PTGER3: variants seen among roughly 807,000 people sequenced by gnomAD.
The protein encoded by PTGER3 is prostaglandin E receptor 3, also known as prostaglandin E2 receptor EP3 subtype.
Under a neutral mutation model 34.7 loss-of-function variants are expected in PTGER3, and 22 were observed. That is an observed-to-expected ratio of 0.63 (90% CI 0.45 to 0.91). The LOEUF is 0.91. Among genes scored for constraint, PTGER3 ranks in the 40% least tolerant of loss-of-function variants. The pLI, the probability that PTGER3 is intolerant of heterozygous loss-of-function variation, is 0.00. For missense variants in PTGER3, 468 were observed against 519.4 expected (o/e 0.90, Z 0.96); for synonymous variants, 241 against 230.1 (o/e 1.05, Z -0.43).
At chr1:70,859,752 A>G (rs1296896022) in intron 4 of PTGER3, among the ~76,000 whole-genome samples, 1 of 152,238 alleles carries the variant, frequency 6.6e-6, no homozygotes, top group Non-Finnish European at 1.5e-5. Flanking sequence ...TTTAAAAAGT[A>G]CTACTATTAT....
chr1:70,891,089 G>C (rs769411819), intron 4 of PTGER3, among the ~76,000 whole-genome samples: 3 of 152,138 alleles, frequency 2.0e-5, no homozygotes, highest in Non-Finnish European at 4.4e-5. Flanking sequence ...CTACCTGGCT[G>C]TATTAAGTGG....
chr1:70,979,587 C>T lies in PTGER3; in HGVS notation c.1078-5199G>A, dbSNP rs192228244. 4.6e-3 allele frequency among the ~76,000 whole-genome samples: 704 copies of T among 152,172 alleles called. 6 individuals are homozygous for T. Among genetic ancestry groups the T allele is most frequent in the Admixed American group, 4.6e-3 (70 of 15,274 alleles). On this transcript the variant is annotated intron_variant, in intron 2 of 3. Transcript: ENST00000306666. ...TCCGGGGCCTGCTATATCACACTAACAACAAAAATAAACGGTTTCCCCTTC... is the reference window on the plus strand; with the variant it reads ...TCCGGGGCCTGCTATATCACACTAATAACAAAAATAAACGGTTTCCCCTTC...
At chr1:70,866,847 G>A (rs542258982) in intron 4 of PTGER3, among the ~76,000 whole-genome samples, 3 of 152,188 alleles carry the variant, frequency 2.0e-5, no homozygotes, top group African/African-American at 7.2e-5. Context: ...CGGGATAGGG[G>A]GTGCATGCTC....
chr1:71,009,033 A>G (rs1478534019), intron 2 of PTGER3: 1 of 984,832 alleles, frequency 1.0e-6, no homozygotes, highest in African/African-American at 1.8e-5. Context: ...CTCAACCAAA[A>G]GAACTATTAG....
At chr1:71,019,718 C>A (rs1454736681) in intron 1 of PTGER3, among the ~76,000 whole-genome samples, 2 of 152,144 alleles carry the variant, frequency 1.3e-5, no homozygotes, top group East Asian at 3.9e-4. Context: ...ACTTAAAAAT[C>A]TTTAGTACTT....
At chr1:70,875,248 G>A (rs1646249269) in intron 4 of PTGER3, among the ~76,000 whole-genome samples, 1 of 152,166 alleles carries the variant, frequency 6.6e-6, no homozygotes, top group African/African-American at 2.4e-5. Flanking sequence ...GTTAAGATCT[G>A]AAGGGTGTGA....
At chr1:70,974,988 T>C (rs1192378850) in intron 2 of PTGER3, among the ~76,000 whole-genome samples, 4 of 152,184 alleles carry the variant, frequency 2.6e-5, no homozygotes, top group Non-Finnish European at 4.4e-5. Flanking sequence ...ACTCATCTGA[T>C]AGATCTCAAC....
rs1055105773 is a variant in PTGER3, at chr1:71,009,299, C to A, written c.1077+3006G>T. 72 of 983,692 alleles carry A rather than the reference C, an allele frequency of 7.3e-5. No homozygotes were observed. The African/African-American group carries it at 1.1e-3, about 15-fold the overall frequency. 60.9% of individuals were successfully genotyped at this position (983,692 alleles called of 1,614,324 possible). On this transcript the variant is annotated intron_variant, in intron 2 of 3. Transcript: ENST00000306666. ...TTTGCATTATTTTCTGCAACATGGT[C>A]GGATATTTCATAAAATAAAGAAATG...
At chr1:70,880,050 C>T (rs1646357110) in intron 4 of PTGER3, among the ~76,000 whole-genome samples, 1 of 152,014 alleles carries the variant, frequency 6.6e-6, no homozygotes, top group Non-Finnish European at 1.5e-5. Context: ...CAAGATTGTA[C>T]CACTGCACTT....
chr1:70,856,305 T>G (rs1156680894), intron 4 of PTGER3, among the ~76,000 whole-genome samples: 1 of 152,078 alleles, frequency 6.6e-6, no homozygotes, highest in African/African-American at 2.4e-5. Context: ...CTGGGTGTGG[T>G]GGCAGGGGCC....
At chr1:71,021,642 A>ATG (rs1341964022) in intron 1 of PTGER3, among the ~76,000 whole-genome samples, 2 of 151,840 alleles carry the variant, frequency 1.3e-5, no homozygotes, top group Non-Finnish European at 2.9e-5. Context: ...TTTTCCTCCC[A>ATG]AAATATAGTT....
chr1:70,913,834 T>C (rs938075658), intron 4 of PTGER3, among the ~76,000 whole-genome samples: 2 of 151,892 alleles, frequency 1.3e-5, no homozygotes, highest in Admixed American at 1.3e-4. Context: ...CACTCAGTCA[T>C]GATTTGTTAT....
At chr1:70,893,989 G>C (rs1313294317) in intron 4 of PTGER3, among the ~76,000 whole-genome samples, 1 of 152,102 alleles carries the variant, frequency 6.6e-6, no homozygotes, top group Non-Finnish European at 1.5e-5. Flanking sequence ...ATTTGGTTTT[G>C]GTCAGAATGA....
chr1:70,916,953 C>T lies in PTGER3; in HGVS notation c.*23+36810G>A, dbSNP rs934780912. On this transcript the variant is annotated intron_variant, in intron 4 of 4. Coordinates refer to the PTGER3 transcript ENST00000370931. ...TGGGATACAATATGATGTTTCAACACATGTATACATGATATAACGGTCAAA... is the reference window on the plus strand; with the variant it reads ...TGGGATACAATATGATGTTTCAACATATGTATACATGATATAACGGTCAAA... Among the ~76,000 whole-genome samples the T allele has an allele frequency of 3.5e-4, 53 of 152,028 alleles. 1 individual carries two copies. In the Middle Eastern group the frequency reaches 0.024, roughly 68 times the overall value.
intron 4 of PTGER3, among the ~76,000 whole-genome samples, chr1:70,897,635 A>T (rs1416974712): frequency 6.6e-6 from 1 of 152,072 alleles, no homozygotes; most frequent in Non-Finnish European, 1.5e-5. Context: ...CCCCTTCAGG[A>T]GCTCATTTCT....
chr1:71,000,437 C>T (rs1012967628), intron 2 of PTGER3, among the ~76,000 whole-genome samples: 1 of 152,154 alleles, frequency 6.6e-6, no homozygotes, highest in East Asian at 1.9e-4. Flanking sequence ...TTCTTTAAAA[C>T]GTTGTTAGTG....
chr1:70,898,951 C>T (rs989134138), intron 4 of PTGER3, among the ~76,000 whole-genome samples: 1 of 152,058 alleles, frequency 6.6e-6, no homozygotes, highest in African/African-American at 2.4e-5. Flanking sequence ...CACTCACCTC[C>T]CATCTGAGCA....
downstream of PTGER3, among the ~76,000 whole-genome samples, chr1:70,948,692 AT>A (rs1025596830): frequency 7.2e-5 from 11 of 152,168 alleles, no homozygotes; most frequent in African/African-American, 1.4e-4. Flanking sequence ...CTTGTACAAG[AT>A]TTTTTTTAAT....
At chr1:71,036,814 G>C in intron 1 of PTGER3, among the ~76,000 whole-genome samples, 1 of 151,214 alleles carries the variant, frequency 6.6e-6, no homozygotes, top group South Asian at 2.1e-4. Context: ...ACTCCAGCCT[G>C]GGTGACAGAA....
Sources: gnomAD v4.1 joint callset for allele counts (sites outside exome capture counted in the v4.1 genomes callset) on GRCh38, gnomAD v4.1.1 for gene constraint, MANE v1.5 for transcripts, NCBI Gene and HGNC (gene_info 2026-07-23, HGNC 2026-07-21) for gene names.